Variants in CORO1C observed in about 807,000 individuals in gnomAD.
The protein encoded by CORO1C is coronin 1C, also known as coronin-1C.
CORO1C carries 14 observed loss-of-function variants against 51.2 expected under a neutral mutation model. The ratio of observed to expected loss-of-function variants is 0.27; its 90% CI spans 0.18 to 0.43. The LOEUF (loss-of-function observed/expected upper bound fraction) is 0.43. Ranked by LOEUF, CORO1C falls within the 20% of genes least tolerant of loss-of-function variation. The pLI is 1.00. For missense variants in CORO1C, 417 were observed against 607.8 expected (o/e 0.69, Z 3.30); for synonymous variants, 181 against 210.5 (o/e 0.86, Z 1.21).
At chr12:108,664,718 G>A (rs1429233655) in intron 3 of CORO1C, among the ~76,000 whole-genome samples, 5 of 152,118 alleles carry the variant, frequency 3.3e-5, no homozygotes, top group Non-Finnish European at 5.9e-5. Flanking sequence ...CTCCATTACT[G>A]CATGTTAGCT....
chr12:108,723,796 T>C (rs936062226), intron 1 of CORO1C, among the ~76,000 whole-genome samples: 3 of 152,258 alleles, frequency 2.0e-5, no homozygotes, highest in African/African-American at 7.2e-5. Context: ...TGGGCCTGTG[T>C]TGTTCCTGTC....
At chr12:108,676,745 C>T (rs951420079) in intron 3 of CORO1C, among the ~76,000 whole-genome samples, 9 of 147,502 alleles carry the variant, frequency 6.1e-5, no homozygotes, top group Non-Finnish European at 1.3e-4. Flanking sequence ...ATACTCCAAC[C>T]TGGGTGACAA....
chr12:108,710,295 A>T (rs1288606652), intron 1 of CORO1C, among the ~76,000 whole-genome samples: 1 of 152,210 alleles, frequency 6.6e-6, no homozygotes, highest in Non-Finnish European at 1.5e-5. Context: ...TCCAGGTGAT[A>T]CTGAAGGCCA....
At chr12:108,648,460 C>T (rs1228784838) in intron 10 of CORO1C, 145 bp downstream of exon 10, 9 of 1,095,650 alleles carry the variant, frequency 8.2e-6, no homozygotes, top group Non-Finnish European at 4.0e-6. Context: ...ATCACGTGAC[C>T]GAGGACCTTC....
intron 1 of CORO1C, among the ~76,000 whole-genome samples, chr12:108,712,980 AAATT>A (rs2035226237): frequency 6.6e-6 from 1 of 151,968 alleles, no homozygotes; most frequent in South Asian, 2.1e-4. Flanking sequence ...CAAATTTTCT[AAATT>A]AAATCCAGCA....
chr12:108,679,588 T>C (rs2034051543), intron 2 of CORO1C, among the ~76,000 whole-genome samples: 1 of 152,248 alleles, frequency 6.6e-6, no homozygotes, highest in Non-Finnish European at 1.5e-5. Flanking sequence ...CTTAATCTAT[T>C]TTTTGTTGTT....
intron 8 of CORO1C, 171 bp from the exon 9 acceptor site, chr12:108,649,191 A>G (rs1335957403): frequency 4.3e-6 from 3 of 701,818 alleles, no homozygotes; most frequent in East Asian, 2.7e-5. Context: ...CGGTTGACAG[A>G]TGAGAGAACG....
intron 2 of CORO1C, among the ~76,000 whole-genome samples, chr12:108,683,281 T>G (rs181848236): frequency 6.6e-6 from 1 of 151,964 alleles, no homozygotes; most frequent in Non-Finnish European, 1.5e-5. Context: ...TAGCCAGGCA[T>G]GGTGGTGGGT....
chr12:108,726,953 T>C (rs1164865014), intron 1 of CORO1C, among the ~76,000 whole-genome samples: 2 of 152,238 alleles, frequency 1.3e-5, no homozygotes, highest in African/African-American at 4.8e-5. Flanking sequence ...GAGCTGGACT[T>C]GGATGCCAGA....
intron 3 of CORO1C, among the ~76,000 whole-genome samples, chr12:108,676,570 G>A (rs1035806795): frequency 1.3e-5 from 2 of 151,970 alleles, no homozygotes; most frequent in East Asian, 1.9e-4. Context: ...TCAGGAGTTC[G>A]AGACCAGCCT....
chr12:108,681,240 T>C (rs988305188), intron 2 of CORO1C, among the ~76,000 whole-genome samples: 12 of 152,322 alleles, frequency 7.9e-5, no homozygotes, highest in Admixed American at 6.5e-4. Flanking sequence ...CACATTTAAA[T>C]AGACAAACCA....
chr12:108,728,342 A>T (rs1222405157), intron 1 of CORO1C, among the ~76,000 whole-genome samples: 1 of 124,424 alleles, frequency 8.0e-6, no homozygotes, highest in Non-Finnish European at 1.8e-5. Flanking sequence ...TTTGACCATT[A>T]AAAAAAAAAA....
In CORO1C at chr12:108,701,244, A is replaced by G. The variant is rs1467868723; in HGVS notation, c.75T>C (p.Asp25=). 6.2e-7 allele frequency: 1 copy of G among 1,614,228 alleles called. No individual in the cohort carries two copies. The highest frequency in any genetic ancestry group is 8.5e-7 in the Non-Finnish European group (1 of 1,180,016). The part of the protein sequence containing the change: ...GQAVKNDQCY[D]DIRVSRVTWD... The stretch of plus-strand genomic sequence containing the variant: ...AGGTCACACGAGAAACCCGGATGTC[A>G]TCATAGCACTGGTCATTTTTCACCG... The change falls in exon 2 of 11, where the codon GAT becomes GAC. Residue 25 remains aspartate, a synonymous_variant. Coordinates refer to ENST00000261401, the MANE Select transcript of CORO1C (RefSeq NM_014325.4).
At chr12:108,695,876 C>T (rs1184503353) in intron 2 of CORO1C, among the ~76,000 whole-genome samples, 1 of 86,506 alleles carries the variant, frequency 1.2e-5, no homozygotes, top group Non-Finnish European at 2.3e-5. Context: ...AAAAAAAAAA[C>T]AGTCTTTCAA....
At position 108,658,354 on chromosome 12, in the gene CORO1C, C is replaced by T. The variant is rs2033114340; in HGVS notation, c.630+384G>A. Among the ~76,000 whole-genome samples the T allele has an allele frequency of 6.6e-6, 1 of 152,112 alleles. No individual in the cohort carries two copies. The highest frequency in any genetic ancestry group is 1.5e-5 in the Non-Finnish European group (1 of 68,026). On this transcript the variant is annotated intron_variant, in intron 5 of 10. Coordinates refer to ENST00000261401, the MANE Select transcript of CORO1C (RefSeq NM_014325.4). The surrounding 1 kb of genome is among the most constrained non-coding windows in gnomAD (Gnocchi z 4.9). ...AGCCACCATGCCCGGCCACCTGTTG[C>T]ATCTTTAACAGCTGTGTTTGGAAAA... is the stretch of plus-strand genomic sequence containing the variant.
At chr12:108,704,908 C>G (rs1417937940) in intron 1 of CORO1C, among the ~76,000 whole-genome samples, 1 of 152,186 alleles carries the variant, frequency 6.6e-6, no homozygotes, top group African/African-American at 2.4e-5. Context: ...GTAAAATTCT[C>G]TATCCAAAAA....
chr12:108,689,220 G>A (rs1363019224), intron 2 of CORO1C, among the ~76,000 whole-genome samples: 1 of 152,010 alleles, frequency 6.6e-6, no homozygotes, highest in Non-Finnish European at 1.5e-5. Context: ...AAAAAAGATG[G>A]ATCAATCTGA....
chr12:108,650,954 GGTTT>G (rs1358699347), intron 8 of CORO1C, among the ~76,000 whole-genome samples: 2 of 151,968 alleles, frequency 1.3e-5, no homozygotes, highest in Admixed American at 6.6e-5. Context: ...AGAGAGTTTT[GGTTT>G]GTTTGTTTTT....
chr12:108,697,270 T>C (rs963979594), intron 2 of CORO1C, among the ~76,000 whole-genome samples: 39 of 152,302 alleles, frequency 2.6e-4, no homozygotes, highest in African/African-American at 8.9e-4. Flanking sequence ...TATTATTATG[T>C]ACAGAGTCCC....
Sources: allele counts gnomAD v4.1 joint callset (sites outside exome capture counted in the v4.1 genomes callset), GRCh38; gene constraint gnomAD v4.1.1; non-coding constraint Gnocchi (gnomAD v3.1); transcripts MANE v1.5; gene names NCBI Gene and HGNC (gene_info 2026-07-23, HGNC 2026-07-21).